Variants in MECOM observed in about 807,000 individuals in gnomAD.
The protein encoded by MECOM is MDS1 and EVI1 complex locus, also known as histone-lysine N-methyltransferase MECOM.
MECOM carries 13 observed loss-of-function variants against 116.3 expected under a neutral mutation model. The ratio of observed to expected loss-of-function variants is 0.11; its 90% confidence interval spans 0.07 to 0.18. The LOEUF is 0.18. Among genes scored for constraint, MECOM ranks in the 10% least tolerant of loss-of-function variants. The probability of loss-of-function intolerance (pLI) is 1.00; values close to 1 mark genes in which losing one functional copy is unlikely to be tolerated. For synonymous variants in MECOM, 528 were observed against 535.2 expected, an observed-to-expected ratio of 0.99 and a Z score of 0.19; for missense variants, 1,299 against 1,509.0, an observed-to-expected ratio of 0.86 and a Z score of 2.31.
chr3:169,509,374 C>G (rs1560372585), intron 1 of MECOM, among the ~76,000 whole-genome samples: 1 of 152,142 alleles, frequency 6.6e-6, no homozygotes, highest in Non-Finnish European at 1.5e-5. Context: ...CCATTTTAAC[C>G]ATTTTTAAGT....
At chr3:169,650,038 AT>A (rs1288005303) in intron 1 of MECOM, among the ~76,000 whole-genome samples, 1 of 152,248 alleles carries the variant, frequency 6.6e-6, no homozygotes, top group African/African-American at 2.4e-5. Context: ...CAACAACATC[AT>A]TGCCAAAGAA....
At chr3:169,622,340 C>G (rs1312742062) in intron 1 of MECOM, among the ~76,000 whole-genome samples, 1 of 152,258 alleles carries the variant, frequency 6.6e-6, no homozygotes, top group East Asian at 1.9e-4. Context: ...GATCTGCCCC[C>G]CTAGGCCTCC....
intron 1 of MECOM, among the ~76,000 whole-genome samples, chr3:169,551,373 TAA>T (rs201636185): frequency 6.9e-6 from 1 of 145,708 alleles, no homozygotes. Flanking sequence ...ATCTACACTT[TAA>T]AAAAAAAAAA....
At chr3:169,614,164 C>G (rs1322361466) in intron 1 of MECOM, among the ~76,000 whole-genome samples, 1 of 148,594 alleles carries the variant, frequency 6.7e-6, no homozygotes, top group Non-Finnish European at 1.5e-5. Flanking sequence ...CTTTCCCACA[C>G]ACACAAACTA....
At chr3:169,626,060 T>A (rs1771333435) in intron 1 of MECOM, among the ~76,000 whole-genome samples, 1 of 152,260 alleles carries the variant, frequency 6.6e-6, no homozygotes, top group Non-Finnish European at 1.5e-5. Flanking sequence ...TTTCCTTATG[T>A]AAGTGATGGT....
chr3:169,117,376 G>A (rs1420708071), intron 7 of MECOM, among the ~76,000 whole-genome samples: 3 of 152,172 alleles, frequency 2.0e-5, no homozygotes, highest in Non-Finnish European at 4.4e-5. Flanking sequence ...TTCATGATTT[G>A]AGAAAGACTG....
chr3:169,644,917 C>T (rs1215993822), intron 1 of MECOM, among the ~76,000 whole-genome samples: 3 of 152,180 alleles, frequency 2.0e-5, no homozygotes, highest in Non-Finnish European at 2.9e-5. Context: ...TAAATACACA[C>T]TCATGCCTCT....
intron 1 of MECOM, among the ~76,000 whole-genome samples, chr3:169,455,918 A>T (rs754661251): frequency 2.6e-5 from 4 of 152,184 alleles, no homozygotes; most frequent in Non-Finnish European, 5.9e-5. Context: ...TGCTGGTAGA[A>T]AGCTTTTGAG....
chr3:169,139,204 T>C (rs1205495301), intron 3 of MECOM, among the ~76,000 whole-genome samples: 1 of 152,092 alleles, frequency 6.6e-6, no homozygotes, highest in Non-Finnish European at 1.5e-5. Flanking sequence ...CATTAGATAA[T>C]CTCTTATCGA....
intron 1 of MECOM, among the ~76,000 whole-genome samples, chr3:169,617,010 T>C (rs1046618122): frequency 1.3e-5 from 2 of 152,190 alleles, no homozygotes; most frequent in African/African-American, 4.8e-5. Flanking sequence ...GTCTTGAAAG[T>C]TTGTGACACA....
chr3:169,592,077 C>T (rs1053692372), intron 1 of MECOM, among the ~76,000 whole-genome samples: 6 of 152,288 alleles, frequency 3.9e-5, no homozygotes, highest in East Asian at 3.9e-4. Flanking sequence ...GTTCTACCCC[C>T]GACCAGCAGT....
chr3:169,392,824 C>T (rs1577963250), intron 1 of MECOM, among the ~76,000 whole-genome samples: 1 of 152,174 alleles, frequency 6.6e-6, no homozygotes, highest in African/African-American at 2.4e-5. Context: ...GGTGGAAACG[C>T]AGTTGCCATT....
chr3:169,570,189 C>A (rs928746070), intron 1 of MECOM, among the ~76,000 whole-genome samples: 1 of 152,084 alleles, frequency 6.6e-6, no homozygotes. Context: ...TACAAACTCC[C>A]ATCAGAGAAT....
At chr3:169,146,154 C>A (rs370708523) in intron 2 of MECOM, 2 of 956,384 alleles carry the variant, frequency 2.1e-6, no homozygotes, top group African/African-American at 1.7e-5. Flanking sequence ...AAAAAAAAAC[C>A]GTTTAGGTAG....
At chr3:169,267,742 A>G (rs1758483622) in intron 2 of MECOM, among the ~76,000 whole-genome samples, 1 of 148,610 alleles carries the variant, frequency 6.7e-6, no homozygotes, top group African/African-American at 2.6e-5. Context: ...CAAAAGGAGA[A>G]CATATCTTTA....
chr3:169,124,541 C>T (rs1047050095), intron 5 of MECOM, among the ~76,000 whole-genome samples: 4 of 76,490 alleles, frequency 5.2e-5, no homozygotes, highest in African/African-American at 2.0e-4. Flanking sequence ...TGTGCTCTTA[C>T]TGAATATTTG....
chr3:169,487,246 G>A (rs956241445), intron 1 of MECOM, among the ~76,000 whole-genome samples: 1 of 151,946 alleles, frequency 6.6e-6, no homozygotes, highest in Admixed American at 6.6e-5. Context: ...AAGAAACAAT[G>A]GTGAGAAAAT....
At chr3:169,380,929 A>G (rs897955527) in intron 2 of MECOM, among the ~76,000 whole-genome samples, 1 of 152,158 alleles carries the variant, frequency 6.6e-6, no homozygotes, top group East Asian at 1.9e-4. Context: ...ATAAAATCAT[A>G]TCTTCTTCCT....
At chr3:169,118,498 G>A (rs1264868687) in intron 7 of MECOM, among the ~76,000 whole-genome samples, 2 of 151,912 alleles carry the variant, frequency 1.3e-5, no homozygotes, top group African/African-American at 4.8e-5. Flanking sequence ...AATGGAGAAG[G>A]TAGAAACATC....
Sources: allele counts gnomAD v4.1 joint callset (sites outside exome capture counted in the v4.1 genomes callset), GRCh38; gene constraint gnomAD v4.1.1; transcripts MANE v1.5; gene names NCBI Gene and HGNC (gene_info 2026-07-23, HGNC 2026-07-21).